MYO18B: variants seen among roughly 807,000 people sequenced by gnomAD.
The protein encoded by MYO18B is unconventional myosin-XVIIIb.
A neutral mutation model predicts 273.0 loss-of-function variants in MYO18B; 204 were observed. The ratio of observed to expected loss-of-function variants is 0.75; its 90% CI spans 0.67 to 0.84. The LOEUF (loss-of-function observed/expected upper bound fraction) is 0.84, where lower values mean the gene tolerates loss of function less well. MYO18B is among the 40% of genes least tolerant of loss of function. MYO18B has a pLI of 0.00. For synonymous variants in MYO18B, 1,330 were observed against 1,305.7 expected (o/e 1.02, Z -0.40); for missense variants, 3,212 against 3,287.6 (o/e 0.98, Z 0.56).
the MYO18B span, among the ~76,000 whole-genome samples, chr22:26,057,125 T>A: frequency 6.6e-6 from 1 of 151,984 alleles, no homozygotes; most frequent in African/African-American, 2.4e-5. Flanking sequence ...CTTTTCCACA[T>A]CAGAAGACTC....
chr22:25,931,608 C>T (rs1247119033), intron 34 of MYO18B, among the ~76,000 whole-genome samples: 4 of 151,814 alleles, frequency 2.6e-5, no homozygotes, highest in South Asian at 4.2e-4. Context: ...GGGGAGAGAC[C>T]GGACAGGTGG....
chr22:25,851,001 G>C (rs1176856175), intron 20 of MYO18B, among the ~76,000 whole-genome samples: 1 of 152,206 alleles, frequency 6.6e-6, no homozygotes, highest in Non-Finnish European at 1.5e-5. Context: ...AATGCCCTTA[G>C]ATACTGCCCA....
chr22:25,753,698 C>G (rs1183044605), intron 1 of MYO18B, among the ~76,000 whole-genome samples: 2 of 152,182 alleles, frequency 1.3e-5, no homozygotes, highest in South Asian at 2.1e-4. Context: ...ACGACCAACT[C>G]CAGACGCGGT....
intron 8 of MYO18B, among the ~76,000 whole-genome samples, chr22:25,778,792 T>C (rs2087017569): frequency 3.0e-5 from 1 of 33,728 alleles, no homozygotes; most frequent in South Asian, 8.7e-4. Context: ...GTGCCCAACC[T>C]GAACTTTTTT....
At chr22:25,796,405 C>T (rs1358459199) in intron 11 of MYO18B, among the ~76,000 whole-genome samples, 2 of 151,584 alleles carry the variant, frequency 1.3e-5, no homozygotes, top group African/African-American at 2.4e-5. Flanking sequence ...GGCAACATAG[C>T]GAGACCCCAT....
At chr22:25,932,395 C>CTTTCTTTTTTT (rs1569205542) in intron 34 of MYO18B, among the ~76,000 whole-genome samples, 1 of 146,888 alleles carries the variant, frequency 6.8e-6, no homozygotes, top group Non-Finnish European at 1.5e-5. Flanking sequence ...CTTTTCTTTT[C>CTTTCTTTTTTT]TTTTTTCTTT....
At chr22:25,898,781 C>T (rs113462910) in intron 29 of MYO18B, 4,422 of 257,384 alleles carry the variant, frequency 0.017, 100 homozygotes, top group African/African-American at 0.062. Context: ...GACAGCATGG[C>T]GATTAGGAGC....
At chr22:26,043,253 G>A in the MYO18B span, among the ~76,000 whole-genome samples, 1 of 152,028 alleles carries the variant, frequency 6.6e-6, no homozygotes, top group Non-Finnish European at 1.5e-5. Flanking sequence ...TTTTATTGCT[G>A]AGTAATATTT....
chr22:25,760,840 G>A, intron 1 of MYO18B, 144 bp from the exon 2 acceptor site: 1 of 555,526 alleles, frequency 1.8e-6, no homozygotes, highest in Non-Finnish European at 3.2e-6. Context: ...CCTCCTTGCA[G>A]AGGTAGCTGA....
Position 26,004,831 on chromosome 22 carries a change from C to A in MYO18B, c.6446C>A (p.Thr2149Asn). 1 of 1,613,804 alleles carries A rather than the reference C, an allele frequency of 6.2e-7. No individual in the cohort carries two copies. Among genetic ancestry groups the A allele is most frequent in the Non-Finnish European group, 8.5e-7 (1 of 1,179,756 alleles). ...AGGACTCCTTCTCGACAGTCAGCCA[C>A]CAGCAGCCGCATCCTCAGCCCCAGG... The part of the protein sequence containing the change: ...TMRTPSRQSA[T>N]SSRILSPRIN... Residue 2149 changes from threonine to asparagine, a missense_variant, in exon 42 of 44, where the codon ACC becomes AAC. By Grantham distance (65) the Thr-to-Asn change is moderately conservative. Coordinates refer to ENST00000335473, the MANE Select transcript of MYO18B (RefSeq NM_032608.7).
chr22:25,872,655 G>T (rs1164822162), intron 22 of MYO18B, among the ~76,000 whole-genome samples: 1 of 151,052 alleles, frequency 6.6e-6, no homozygotes, highest in East Asian at 1.9e-4. Flanking sequence ...AAGGATCGTG[G>T]GCCAATGCCT....
At chr22:25,783,977 C>T (rs1222008096) in intron 10 of MYO18B, among the ~76,000 whole-genome samples, 3 of 152,354 alleles carry the variant, frequency 2.0e-5, no homozygotes, top group East Asian at 3.9e-4. Flanking sequence ...AGGTCAAAAA[C>T]GGGTTCTCAC....
At chr22:25,832,776 C>A in intron 15 of MYO18B, 141 bp from the exon 16 acceptor site, 1 of 625,470 alleles carries the variant, frequency 1.6e-6, no homozygotes, top group Non-Finnish European at 2.7e-6. Context: ...TGCTATGTAT[C>A]TTTTGCCAAA....
chr22:25,972,225 T>C (rs1385948606), intron 39 of MYO18B, among the ~76,000 whole-genome samples: 2 of 152,070 alleles, frequency 1.3e-5, no homozygotes, highest in East Asian at 1.9e-4. Context: ...CATATATATA[T>C]ACATAGGAAA....
At chr22:25,882,071 C>CT (rs976107656) in intron 25 of MYO18B, among the ~76,000 whole-genome samples, 10 of 152,208 alleles carry the variant, frequency 6.6e-5, no homozygotes, top group East Asian at 1.9e-4. Flanking sequence ...CTTCAACACT[C>CT]TAAGGGTGGG....
chr22:26,017,269 G>A (rs558753450), intron 42 of MYO18B, among the ~76,000 whole-genome samples: 3 of 150,548 alleles, frequency 2.0e-5, no homozygotes, highest in East Asian at 4.0e-4. Flanking sequence ...ATAGTTGTTA[G>A]AATTTTCCAC....
intron 34 of MYO18B, among the ~76,000 whole-genome samples, chr22:25,944,624 C>T (rs1359762905): frequency 1.3e-5 from 2 of 152,030 alleles, no homozygotes; most frequent in Non-Finnish European, 2.9e-5. Context: ...CCGAGGCGGG[C>T]AGATCACAAG....
the MYO18B span, among the ~76,000 whole-genome samples, chr22:26,040,786 G>A: frequency 6.6e-6 from 1 of 152,202 alleles, no homozygotes; most frequent in Non-Finnish European, 1.5e-5. Context: ...GGCTAGTATG[G>A]TTGGAGTAGG....
chr22:25,881,949 T>A (rs969491494), intron 25 of MYO18B, among the ~76,000 whole-genome samples: 1 of 152,194 alleles, frequency 6.6e-6, no homozygotes, highest in African/African-American at 2.4e-5. Context: ...CTTCATAGCC[T>A]TCACATGTGC....
Sources: gnomAD v4.1 joint callset for allele counts (sites outside exome capture counted in the v4.1 genomes callset) on GRCh38, gnomAD v4.1.1 for gene constraint, MANE v1.5 for transcripts, NCBI Gene and HGNC (gene_info 2026-07-23, HGNC 2026-07-21) for gene names.